AS3MT: variants seen among roughly 807,000 people sequenced by gnomAD.
The protein encoded by AS3MT is arsenite methyltransferase.
In AS3MT, 47 loss-of-function variants were observed where a neutral mutation model predicts 45.3. The ratio of observed to expected loss-of-function variants is 1.04; its 90% CI spans 0.82 to 1.32. The LOEUF is 1.32. AS3MT is among the 40% of genes most tolerant of loss of function. The pLI, the probability that AS3MT is intolerant of heterozygous loss-of-function variation, is 0.00. For synonymous variants in AS3MT, 141 were observed against 152.8 expected (o/e 0.92, Z 0.57); for missense variants, 396 against 451.1 (o/e 0.88, Z 1.11).
Position 102,881,411 on chromosome 10 carries a change from T to C in AS3MT, c.885+2420T>C, listed in dbSNP as rs1361592886. 1.3e-5 allele frequency among the ~76,000 whole-genome samples: 2 copies of C among 152,236 alleles called. No homozygotes were observed. The highest frequency in any genetic ancestry group is 4.8e-5 in the African/African-American group (2 of 41,470). On this transcript the variant is annotated intron_variant, in intron 9 of 10. Transcript: ENST00000369880. This position sits in a 1 kb window ranked among gnomAD's most constrained non-coding sequence, Gnocchi z 4.2. ...AATTAACTAAATAAAAATCATTTTA[T>C]ACTATTATTTAGTAAGTTAGTAAAG...
chr10:102,887,957 TA>T (rs1240378585), intron 9 of AS3MT: 1 of 155,912 alleles, frequency 6.4e-6, no homozygotes, highest in Non-Finnish European at 1.5e-5. Context: ...ATTCTTCAAA[TA>T]TTTTTTGGTG....
intron 10 of AS3MT, among the ~76,000 whole-genome samples, chr10:102,898,992 A>G (rs1845227963): frequency 6.6e-6 from 1 of 152,174 alleles, no homozygotes; most frequent in African/African-American, 2.4e-5. Context: ...TGGGTACCCC[A>G]CCTTTCATTT....
At chr10:102,878,344 T>TGCC in intron 7 of AS3MT, 35 bp from the exon 8 acceptor site, 2 of 1,608,578 alleles carry the variant, frequency 1.2e-6, no homozygotes, top group South Asian at 2.2e-5. Flanking sequence ...AAGTGTTGGC[T>TGCC]GGTCTGTGGT....
In AS3MT at chr10:102,876,217, G is replaced by A. The variant is rs544253873; in HGVS notation, c.529-737G>A. Among the ~76,000 whole-genome samples, 43 of 152,036 alleles carry A rather than the reference G, an allele frequency of 2.8e-4. 1 individual carries two copies. The highest frequency in any genetic ancestry group is 9.9e-4 in the African/African-American group (41 of 41,498). ...AAGGATAATATTTTAAAGATAAAAT[G>A]TGTTGTTATAAAAGTAAATAACAAC... On this transcript the variant is annotated intron_variant, in intron 6 of 10. Transcript: ENST00000369880.
intron 10 of AS3MT, among the ~76,000 whole-genome samples, chr10:102,899,291 C>A (rs1845233810): frequency 6.6e-6 from 1 of 152,150 alleles, no homozygotes; most frequent in South Asian, 2.1e-4. Context: ...AGCCACCGCA[C>A]CAGGCCAGGG....
At chr10:102,896,159 G>A (rs1157440382) in intron 10 of AS3MT, among the ~76,000 whole-genome samples, 5 of 150,910 alleles carry the variant, frequency 3.3e-5, no homozygotes, top group African/African-American at 7.3e-5. Flanking sequence ...TGCTGAAACC[G>A]TGTCTGTACT....
chr10:102,872,362 G>A, intron 3 of AS3MT, 86 bp from the exon 4 acceptor site: 1 of 1,377,010 alleles, frequency 7.3e-7, no homozygotes, highest in Non-Finnish European at 1.0e-6. Context: ...ACGGAGGGAG[G>A]GAGGGAGGAG....
At chr10:102,880,697 T>A (rs1844857908) in intron 9 of AS3MT, among the ~76,000 whole-genome samples, 2 of 152,178 alleles carry the variant, frequency 1.3e-5, no homozygotes, top group Non-Finnish European at 2.9e-5. Flanking sequence ...ATCAAACTGA[T>A]CACACTGATT....
intron 3 of AS3MT, among the ~76,000 whole-genome samples, chr10:102,871,510 G>GCAC (rs1334517649): frequency 1.6e-5 from 2 of 127,824 alleles, no homozygotes; most frequent in African/African-American, 6.0e-5. Flanking sequence ...TCGAGCCACT[G>GCAC]CACTCCAGCC....
At chr10:102,869,743 C>A in intron 1 of AS3MT, 62 bp from the exon 2 acceptor site, 1 of 1,612,860 alleles carries the variant, frequency 6.2e-7, no homozygotes. Flanking sequence ...TTTACTGGCC[C>A]CCTCCCTCAT....
chr10:102,891,378 G>A (rs1035164324), intron 10 of AS3MT, among the ~76,000 whole-genome samples: 9 of 152,206 alleles, frequency 5.9e-5, no homozygotes, highest in African/African-American at 1.9e-4. Flanking sequence ...AAAATTCAGA[G>A]ACCTTTCGTG....
intron 1 of AS3MT, 97 bp downstream of exon 1, chr10:102,869,690 G>C: frequency 3.7e-6 from 6 of 1,605,516 alleles, no homozygotes; most frequent in South Asian, 1.1e-5. Context: ...GCTGTGTCTC[G>C]AGACCTTTGT....
At chr10:102,878,564 A>G in intron 8 of AS3MT, 54 bp downstream of exon 8, 1 of 1,593,072 alleles carries the variant, frequency 6.3e-7, no homozygotes, top group South Asian at 1.1e-5. Flanking sequence ...AATGATTGAA[A>G]TGTGGTGATT....
chr10:102,893,044 T>C (rs1425765246), intron 10 of AS3MT, among the ~76,000 whole-genome samples: 5 of 140,708 alleles, frequency 3.6e-5, no homozygotes, highest in Admixed American at 2.9e-4. Context: ...TTAGAACAAA[T>C]TACTGAAAGA....
chr10:102,873,296 A>ATTATTATTT, intron 5 of AS3MT, 63 bp downstream of exon 5: 5 of 1,244,740 alleles, frequency 4.0e-6, no homozygotes, highest in South Asian at 2.3e-5. Context: ...TATTATTATT[A>ATTATTATTT]TTGAGATGGA....
rs35877885 is a variant in AS3MT at position 102,875,476 on chromosome 10, CAAAAAAAAAAA to C, written c.528+827_528+837del. Reference sequence around the variant, plus strand: ...TGGGAGACAGAGCGAGACTCCATCTCAAAAAAAAAAAAAAAAAAAAAAGATTCTAGCTGGGT... The same window carrying C: ...TGGGAGACAGAGCGAGACTCCATCTCAAAAAAAAAAAGATTCTAGCTGGGT... On this transcript the variant is annotated intron_variant, in intron 6 of 10. Transcript: ENST00000369880. 3.3e-4 allele frequency among the ~76,000 whole-genome samples: 13 copies of C among 39,670 alleles called. No homozygotes were observed. The South Asian group carries it at 0.015, about 46-fold the overall frequency. The allele number at this position is 39,670 out of a possible 152,430, so 26.0% of individuals were successfully genotyped here. A position where few individuals can be genotyped will look rare whatever the true frequency, so the allele number is the denominator to read the frequency against.
chr10:102,870,108 A>T lies in AS3MT; in HGVS notation c.67A>T (p.Arg23Ter), dbSNP rs372675994. The stretch of plus-strand genomic sequence containing the variant: ...GACCTACTACGGGCAGGTGCTGAAG[A>T]GATCGGCAGACCTCCAGACCAACGG... ...VQTYYGQVLK[R>*]SADLQTNGCV... Residue 23 changes from arginine to a stop codon, truncating the protein, a stop_gained, in exon 3 of 11, where the codon AGA (arginine) becomes TGA (stop). Transcript: ENST00000369880. LOFTEE classifies it high-confidence loss of function. 49 of 1,614,030 alleles carry T rather than the reference A, an allele frequency of 3.0e-5. No homozygotes were observed. Among genetic ancestry groups the T allele is most frequent in the Middle Eastern group, 1.6e-4 (1 of 6,084 alleles).
chr10:102,885,268 C>T (rs1279354421), intron 9 of AS3MT, among the ~76,000 whole-genome samples: 1 of 152,062 alleles, frequency 6.6e-6, no homozygotes, highest in Non-Finnish European at 1.5e-5. Flanking sequence ...TTTCTCTTAA[C>T]ATAATGACCT....
chr10:102,880,257 T>C (rs1844852399), intron 9 of AS3MT, among the ~76,000 whole-genome samples: 1 of 152,160 alleles, frequency 6.6e-6, no homozygotes, highest in African/African-American at 2.4e-5. Context: ...GGCTTTGGAA[T>C]CAGATACCTG....
Sources: gnomAD v4.1 joint callset for allele counts (sites outside exome capture counted in the v4.1 genomes callset) on GRCh38, gnomAD v4.1.1 for gene constraint, Gnocchi (gnomAD v3.1) non-coding constraint, MANE v1.5 for transcripts, NCBI Gene and HGNC (gene_info 2026-07-23, HGNC 2026-07-21) for gene names.